Variants in DENND4C observed in about 807,000 individuals in gnomAD.
DENND4C encodes the protein DENN domain containing 4C.
A neutral mutation model predicts 203.0 loss-of-function variants in DENND4C; 108 were observed. That is an observed-to-expected ratio of 0.53 (90% confidence interval 0.46 to 0.62). The LOEUF (loss-of-function observed/expected upper bound fraction) is 0.62, where lower values mean the gene tolerates loss of function less well. Ranked by LOEUF, DENND4C falls within the 20% of genes least tolerant of loss-of-function variation. The pLI, the probability that DENND4C is intolerant of heterozygous loss-of-function variation, is 0.00. For synonymous variants in DENND4C, 871 were observed against 792.4 expected (o/e 1.10, Z -1.67); for missense variants, 2,481 against 2,301.2 (o/e 1.08, Z -1.60).
At chr9:19,324,282 G>C (rs1031528148) in intron 12 of DENND4C, 80 bp from the exon 13 acceptor site, 135 of 1,060,602 alleles carry the variant, frequency 1.3e-4, no homozygotes, top group Non-Finnish European at 1.7e-4. Flanking sequence ...ATGTAATATA[G>C]ATAAGTACAA....
At chr9:19,335,588 A>G (rs774155595) in intron 18 of DENND4C, among the ~76,000 whole-genome samples, 6 of 152,006 alleles carry the variant, frequency 3.9e-5, no homozygotes, top group Non-Finnish European at 7.4e-5. Context: ...GATCTCATAT[A>G]TATGTGAGAT....
intron 30 of DENND4C, 62 bp from the exon 31 acceptor site, chr9:19,369,775 A>AT (rs1828410668): frequency 9.7e-7 from 1 of 1,032,772 alleles, no homozygotes; most frequent in Non-Finnish European, 1.2e-6. Context: ...TCAAAAAAAA[A>AT]AAAATAATAA....
At chr9:19,306,645 A>G (rs1157544395) in intron 10 of DENND4C, among the ~76,000 whole-genome samples, 2 of 152,036 alleles carry the variant, frequency 1.3e-5, no homozygotes, top group Non-Finnish European at 2.9e-5. Context: ...ATAAAATAAT[A>G]TGGAGATTCT....
chr9:19,361,979 T>C lies in DENND4C; in HGVS notation c.5524+16T>C, dbSNP rs372142863. On this transcript the variant is annotated intron_variant, in intron 30 of 32. Transcript: ENST00000434457. ...AGGAATTTTAGTAAGTAAAATAGAATTAAAGACATAACAGCCAGGTGCAGT... is the reference window on the plus strand; with the variant it reads ...AGGAATTTTAGTAAGTAAAATAGAACTAAAGACATAACAGCCAGGTGCAGT... The C allele has an allele frequency of 7.1e-5, 106 of 1,500,018 alleles. 1 individual carries two copies. In the East Asian group the frequency reaches 9.3e-4, roughly 13 times the overall value. 92.9% of individuals were successfully genotyped at this position (1,500,018 alleles called of 1,614,324 possible).
chr9:19,350,779 A>C lies in DENND4C; in HGVS notation c.4395A>C (p.Thr1465=). The C allele has an allele frequency of 6.2e-7, 1 of 1,614,088 alleles. No individual in the cohort carries two copies. The highest frequency in any genetic ancestry group is 8.5e-7 in the Non-Finnish European group (1 of 1,180,002). Residue 1465 remains threonine (T), a synonymous_variant, in exon 24 of 33, where the codon ACA becomes ACC. Transcript: ENST00000434457. The part of the protein sequence containing the change: ...HILGENISPN[T]SISGLVPSEL... Reference sequence around the variant, plus strand: ...TGGGGGAGAATATATCGCCTAACACAAGTATCTCAGGGTTGGTCCCCAGTG... The same window carrying C: ...TGGGGGAGAATATATCGCCTAACACCAGTATCTCAGGGTTGGTCCCCAGTG...
At chr9:19,295,469 T>C (rs10118101) in intron 5 of DENND4C, among the ~76,000 whole-genome samples, 124,077 of 151,200 alleles carry the variant, frequency 0.82, 51,123 homozygotes, top group East Asian at 0.99. Context: ...CGTGCCACTG[T>C]ACTCCAGCCT....
At chr9:19,266,962 G>T (rs999053490) in intron 1 of DENND4C, among the ~76,000 whole-genome samples, 4 of 152,076 alleles carry the variant, frequency 2.6e-5, no homozygotes, top group African/African-American at 9.7e-5. Context: ...ATCACATCGT[G>T]GTCAGAGACC....
intron 9 of DENND4C, among the ~76,000 whole-genome samples, chr9:19,303,972 C>A (rs1181101990): frequency 1.3e-5 from 2 of 150,056 alleles, no homozygotes; most frequent in African/African-American, 4.9e-5. Flanking sequence ...CTCAGCCTCC[C>A]AAAGTGTTGA....
At chr9:19,319,083 C>T (rs185452987) in intron 12 of DENND4C, among the ~76,000 whole-genome samples, 591 of 151,532 alleles carry the variant, frequency 3.9e-3, no homozygotes, top group Non-Finnish European at 6.3e-3. Context: ...GCAGGAGAAT[C>T]GCTTCATCCC....
chr9:19,362,054 A>G (rs970180202), intron 30 of DENND4C, 91 bp downstream of exon 30: 8 of 686,778 alleles, frequency 1.2e-5, no homozygotes, highest in Admixed American at 5.2e-5. Context: ...CTGGCGGACC[A>G]CTTGAGGTCA....
chr9:19,311,710 G>C (rs371861579), intron 10 of DENND4C, among the ~76,000 whole-genome samples: 3 of 152,000 alleles, frequency 2.0e-5, no homozygotes, highest in African/African-American at 7.2e-5. Flanking sequence ...TCTTCATGTT[G>C]ATACTGCTTT....
At chr9:19,324,127 T>C (rs1031647634) in intron 12 of DENND4C, among the ~76,000 whole-genome samples, 2 of 152,144 alleles carry the variant, frequency 1.3e-5, no homozygotes, top group African/African-American at 4.8e-5. Flanking sequence ...AGATATGTGA[T>C]TGTGCACATG....
At chr9:19,360,513 A>C in intron 29 of DENND4C, 24 bp downstream of exon 29, 1 of 1,613,664 alleles carries the variant, frequency 6.2e-7, no homozygotes, top group Non-Finnish European at 8.5e-7. Context: ...TTTTATACTT[A>C]CATTAGTATT....
intron 1 of DENND4C, among the ~76,000 whole-genome samples, chr9:19,272,943 TC>T (rs1198559338): frequency 1.4e-4 from 18 of 124,460 alleles, no homozygotes; most frequent in Admixed American, 8.2e-4. Context: ...AATTTTTGTA[TC>T]CTTTTTTTTT....
intron 4 of DENND4C, 24 bp downstream of exon 4, chr9:19,288,689 C>T: frequency 1.7e-6 from 2 of 1,203,660 alleles, no homozygotes; most frequent in East Asian, 3.2e-5. Context: ...AAAAAATTGT[C>T]TCAATTGCTA....
chr9:19,351,825 G>GA (rs1036417370), intron 24 of DENND4C, among the ~76,000 whole-genome samples: 4 of 146,166 alleles, frequency 2.7e-5, no homozygotes, highest in Non-Finnish European at 4.5e-5. Flanking sequence ...AAAAAGAAAA[G>GA]AAAAAAAAAT....
chr9:19,316,092 T>G (rs1191932622), intron 10 of DENND4C, among the ~76,000 whole-genome samples: 2 of 152,232 alleles, frequency 1.3e-5, no homozygotes, highest in Admixed American at 6.5e-5. Context: ...GTAGGTAGTT[T>G]GAAGTCTCAT....
intron 23 of DENND4C, among the ~76,000 whole-genome samples, chr9:19,349,973 C>A (rs79049017): frequency 0.016 from 2,506 of 152,204 alleles, 75 homozygotes; most frequent in African/African-American, 0.057. Flanking sequence ...AAGCATTTTT[C>A]ATTCCTTGTT....
At position 19,347,075 on chromosome 9, in the gene DENND4C, T is replaced by G; in HGVS notation, c.4306T>G (p.Ser1436Ala). The G allele has an allele frequency of 6.2e-7, 1 of 1,612,812 alleles. No individual in the cohort carries two copies. The highest frequency in any genetic ancestry group is 8.5e-7 in the Non-Finnish European group (1 of 1,179,124). Residue 1436 changes from serine (S) to alanine (A), a missense_variant, in exon 23 of 33, where the codon TCA (serine) becomes GCA (alanine). Physicochemically the swap from Ser to Ala is moderately conservative, Grantham distance 99. Coordinates refer to ENST00000434457, the MANE Select transcript of DENND4C (RefSeq NM_001330640.2). ...WVAVASAYSY[S>A]DDEEETNRDY... ...AGCTGTTGCGTCTGCCTACAGCTAC[T>G]CAGATGATGAGGTAAGAAAGCTTTA...
Sources: allele counts gnomAD v4.1 joint callset (sites outside exome capture counted in the v4.1 genomes callset), GRCh38; gene constraint gnomAD v4.1.1; transcripts MANE v1.5; gene names NCBI Gene and HGNC (gene_info 2026-07-23, HGNC 2026-07-21).